The following UBE2E3 variants were observed in gnomAD, a reference collection of about 807,000 sequenced individuals.
The protein encoded by UBE2E3 is ubiquitin conjugating enzyme E2 E3, also known as ubiquitin-conjugating enzyme E2 E3.
In UBE2E3, 5 loss-of-function variants were observed where a neutral mutation model predicts 23.6. The ratio of observed to expected loss-of-function variants is 0.21; its 90% CI spans 0.11 to 0.44. The LOEUF is 0.44. Ranked by LOEUF, UBE2E3 falls within the 20% of genes least tolerant of loss-of-function variation. The pLI, the probability that UBE2E3 is intolerant of heterozygous loss-of-function variation, is 0.99. For missense variants in UBE2E3, 81 were observed against 249.8 expected, an observed-to-expected ratio of 0.32 and a Z score of 4.55; for synonymous variants, 78 against 87.5, an observed-to-expected ratio of 0.89 and a Z score of 0.60.
chr2:181,030,611 A>C (rs1051979865), intron 3 of UBE2E3, among the ~76,000 whole-genome samples: 1 of 151,740 alleles, frequency 6.6e-6, no homozygotes. Context: ...TTTATTTTTG[A>C]TTCTCAGAAG....
At position 181,046,460 on chromosome 2, in the gene UBE2E3, A is replaced by G. The variant is rs1486093784; in HGVS notation, c.246-11233A>G. Among the ~76,000 whole-genome samples, 20 of 152,180 alleles carry G rather than the reference A, an allele frequency of 1.3e-4. 1 individual carries two copies. The highest frequency in any genetic ancestry group is 1.3e-3 in the Admixed American group (20 of 15,264). On this transcript the variant is annotated intron_variant, in intron 3 of 5. Transcript: ENST00000410062. ...TTTAAGCCTCATGATAAACTGGGCT[A>G]GAGCTTGACACATTTATCAACTGTT...
intron 3 of UBE2E3, among the ~76,000 whole-genome samples, chr2:181,040,163 T>C (rs908280816): frequency 1.6e-4 from 24 of 152,226 alleles, no homozygotes; most frequent in African/African-American, 5.1e-4. Context: ...GAGGAAAATA[T>C]GTTTGCGTTC....
chr2:181,021,882 G>A (rs1011892967), intron 3 of UBE2E3, among the ~76,000 whole-genome samples: 9 of 151,992 alleles, frequency 5.9e-5, no homozygotes, highest in African/African-American at 2.2e-4. Flanking sequence ...ATTTTTAAAT[G>A]CATCTAAAAG....
At chr2:180,991,604 C>CT (rs1684660894) in intron 3 of UBE2E3, among the ~76,000 whole-genome samples, 1 of 152,222 alleles carries the variant, frequency 6.6e-6, no homozygotes, top group Non-Finnish European at 1.5e-5. Flanking sequence ...TGGCACAACA[C>CT]AAACTCATAA....
chr2:181,027,380 G>A (rs1685929653), intron 3 of UBE2E3, among the ~76,000 whole-genome samples: 1 of 151,780 alleles, frequency 6.6e-6, no homozygotes, highest in South Asian at 2.1e-4. Context: ...CAAACCTCTT[G>A]TTTTAAATGA....
chr2:181,021,574 C>CCCTCCCTCCCTTCCTTCCTT (rs1685686682), intron 3 of UBE2E3, among the ~76,000 whole-genome samples: 1 of 36,292 alleles, frequency 2.8e-5, no homozygotes, highest in African/African-American at 1.4e-4. Flanking sequence ...CTTCCTTCCT[C>CCCTCCCTCCCTTCCTTCCTT]CCTCCCTCCC....
At chr2:181,011,030 C>G (rs899251672) in intron 3 of UBE2E3, among the ~76,000 whole-genome samples, 2 of 151,928 alleles carry the variant, frequency 1.3e-5, no homozygotes, top group African/African-American at 2.4e-5. Flanking sequence ...TAATATAAGC[C>G]CTTCACTTAA....
chr2:180,986,674 A>G (rs1167873417), intron 3 of UBE2E3, among the ~76,000 whole-genome samples: 1 of 152,122 alleles, frequency 6.6e-6, no homozygotes, highest in Non-Finnish European at 1.5e-5. Context: ...AGATCTATGA[A>G]ACCTAATACA....
At position 181,063,148 on chromosome 2, in the gene UBE2E3, A is replaced by G; in HGVS notation, c.*260A>G. 4.4e-6 allele frequency: 1 copy of G among 225,826 alleles called. No homozygotes were observed. The highest frequency in any genetic ancestry group is 1.6e-4 in the South Asian group (1 of 6,402). 14.0% of individuals were successfully genotyped at this position (225,826 alleles called of 1,614,324 possible). A position where few individuals can be genotyped will look rare whatever the true frequency, so the allele number is the denominator to read the frequency against. On this transcript the variant is annotated 3_prime_UTR_variant, in exon 6 of 6. Coordinates refer to ENST00000410062, the MANE Select transcript of UBE2E3 (RefSeq NM_006357.4). This position sits in a 1 kb window ranked among gnomAD's most constrained non-coding sequence, Gnocchi z 4.1. ...GATATCAAAATGTATTTTGTGATGT[A>G]CTAAGGATACTGGTCCTGAAGTCTA...
At chr2:181,055,458 C>T (rs1029040219) in intron 3 of UBE2E3, among the ~76,000 whole-genome samples, 1 of 151,494 alleles carries the variant, frequency 6.6e-6, no homozygotes, top group Non-Finnish European at 1.5e-5. Context: ...CCCATCTTGC[C>T]GTATGTTTTG....
intron 3 of UBE2E3, among the ~76,000 whole-genome samples, chr2:181,034,000 T>A (rs1216265462): frequency 2.0e-5 from 3 of 152,222 alleles, no homozygotes; most frequent in African/African-American, 7.2e-5. Flanking sequence ...CCAGTTAGAA[T>A]GGCAATCATT....
intron 3 of UBE2E3, among the ~76,000 whole-genome samples, chr2:181,006,332 C>T (rs2105600127): frequency 6.6e-6 from 1 of 152,044 alleles, no homozygotes; most frequent in South Asian, 2.1e-4. Flanking sequence ...AGTAAAGGCA[C>T]ACCTCCCTGT....
rs369705370 is a variant in UBE2E3 at position 181,042,157 on chromosome 2, A to G, written c.246-15536A>G. Among the ~76,000 whole-genome samples, 10 of 152,328 alleles carry G rather than the reference A, an allele frequency of 6.6e-5. 1 individual carries two copies. Among genetic ancestry groups the G allele is most frequent in the African/African-American group, 2.4e-4 (10 of 41,570 alleles). On this transcript the variant is annotated intron_variant, in intron 3 of 5. Transcript: ENST00000410062. ...TTGTCACATCTCTTAAGTCTACCCTATCCCCATCAGTCATTCTAAGCTTTC... is the reference window on the plus strand; with the variant it reads ...TTGTCACATCTCTTAAGTCTACCCTGTCCCCATCAGTCATTCTAAGCTTTC...
At chr2:180,987,849 G>C (rs146256005) in intron 3 of UBE2E3, among the ~76,000 whole-genome samples, 1 of 152,006 alleles carries the variant, frequency 6.6e-6, no homozygotes, top group Non-Finnish European at 1.5e-5. Context: ...CAGCATCTGC[G>C]TCACAGATGA....
chr2:180,985,357 G>A (rs1488398855), intron 3 of UBE2E3, among the ~76,000 whole-genome samples: 6 of 151,600 alleles, frequency 4.0e-5, no homozygotes, highest in Admixed American at 3.9e-4. Context: ...GTGCTATAAG[G>A]GTAAAATTTA....
At chr2:181,048,791 C>T (rs74560626) in intron 3 of UBE2E3, among the ~76,000 whole-genome samples, 3,205 of 152,120 alleles carry the variant, frequency 0.021, 102 homozygotes, top group African/African-American at 0.069. Context: ...GTTTGGAAAG[C>T]AATATAGAGG....
chr2:181,038,533 A>G (rs1686372452), intron 3 of UBE2E3, among the ~76,000 whole-genome samples: 1 of 152,236 alleles, frequency 6.6e-6, no homozygotes, highest in Non-Finnish European at 1.5e-5. Context: ...AATATAATGT[A>G]AGAGCAAAAT....
At chr2:180,988,481 G>T (rs1397882553) in intron 3 of UBE2E3, among the ~76,000 whole-genome samples, 1 of 152,130 alleles carries the variant, frequency 6.6e-6, no homozygotes, top group Non-Finnish European at 1.5e-5. Context: ...AGAATATTAT[G>T]ATTGTCCAGT....
chr2:181,052,192 A>G (rs1017541336), intron 3 of UBE2E3, among the ~76,000 whole-genome samples: 11 of 151,878 alleles, frequency 7.2e-5, no homozygotes, highest in Admixed American at 2.0e-4. Flanking sequence ...TTAAATTACA[A>G]TCATTAAGGT....
Sources: allele counts gnomAD v4.1 joint callset (sites outside exome capture counted in the v4.1 genomes callset), GRCh38; gene constraint gnomAD v4.1.1; non-coding constraint Gnocchi (gnomAD v3.1); transcripts MANE v1.5; gene names NCBI Gene and HGNC (gene_info 2026-07-23, HGNC 2026-07-21).